The following TFEC variants were observed in gnomAD, a reference collection of about 807,000 sequenced individuals.
TFEC encodes the protein class E basic helix-loop-helix protein 34.
A neutral mutation model predicts 41.6 loss-of-function variants in TFEC; 31 were observed. The observed-to-expected ratio is 0.74, with a 90% CI of 0.56 to 1.01. The LOEUF (loss-of-function observed/expected upper bound fraction) is 1.01. Ranked by LOEUF, TFEC falls within the 50% of genes least tolerant of loss-of-function variation. The pLI is 0.00. For synonymous variants in TFEC, 143 were observed against 140.6 expected (o/e 1.02, Z -0.12); for missense variants, 402 against 404.1 (o/e 0.99, Z 0.04).
intron 3 of TFEC, among the ~76,000 whole-genome samples, chr7:116,083,498 A>G (rs891453713): frequency 6.6e-6 from 1 of 151,928 alleles, no homozygotes; most frequent in African/African-American, 2.4e-5. Flanking sequence ...AGGGAATCAA[A>G]AGTTTCACAA....
intron 3 of TFEC, among the ~76,000 whole-genome samples, chr7:116,091,834 A>G (rs1797335780): frequency 6.6e-6 from 1 of 151,658 alleles, no homozygotes. Flanking sequence ...TGCAAATGCC[A>G]TGCCAAAAAC....
At chr7:115,967,614 G>C (rs1371600740) in intron 3 of TFEC, among the ~76,000 whole-genome samples, 3 of 151,744 alleles carry the variant, frequency 2.0e-5, no homozygotes, top group African/African-American at 7.2e-5. Context: ...GCACTGAATA[G>C]AGAAATCCCA....
intron 4 of TFEC, among the ~76,000 whole-genome samples, chr7:115,956,403 G>A (rs1233335046): frequency 6.7e-6 from 1 of 149,758 alleles, no homozygotes; most frequent in Admixed American, 6.6e-5. Flanking sequence ...TTTTATATAT[G>A]TATGTATATA....
chr7:115,986,864 A>G (rs1276824629), intron 1 of TFEC, among the ~76,000 whole-genome samples: 1 of 152,064 alleles, frequency 6.6e-6, no homozygotes, highest in African/African-American at 2.4e-5. Flanking sequence ...CATATGTAAC[A>G]AACCTGCACG....
chr7:116,031,488 G>A (rs75869203), upstream of TFEC, among the ~76,000 whole-genome samples: 3 of 152,080 alleles, frequency 2.0e-5, no homozygotes, highest in Non-Finnish European at 4.4e-5. Context: ...AACTTAAAAT[G>A]GAAAGGTACA....
chr7:116,139,277 T>C (rs918898360), intron 1 of TFEC, among the ~76,000 whole-genome samples: 2 of 152,142 alleles, frequency 1.3e-5, no homozygotes, highest in Admixed American at 6.5e-5. Context: ...AATTATCTCT[T>C]ACTCAGAGCT....
At chr7:116,116,040 C>T (rs1485491276) in intron 1 of TFEC, among the ~76,000 whole-genome samples, 1 of 151,768 alleles carries the variant, frequency 6.6e-6, no homozygotes, top group Non-Finnish European at 1.5e-5. Flanking sequence ...AACTAGGTGA[C>T]CTTGACACAG....
chr7:116,069,451 A>G (rs1231258416), intron 3 of TFEC, among the ~76,000 whole-genome samples: 1 of 151,632 alleles, frequency 6.6e-6, no homozygotes, highest in Non-Finnish European at 1.5e-5. Flanking sequence ...TGATGATAAA[A>G]ATGTTGAAGA....
intron 2 of TFEC, among the ~76,000 whole-genome samples, chr7:115,978,892 T>C (rs1793501972): frequency 1.3e-5 from 2 of 152,138 alleles, no homozygotes; most frequent in African/African-American, 2.4e-5. Context: ...CAAAAGAGTA[T>C]CTTTAGCTAT....
intron 3 of TFEC, among the ~76,000 whole-genome samples, chr7:116,082,840 A>G (rs1046727726): frequency 6.6e-6 from 1 of 151,896 alleles, no homozygotes; most frequent in African/African-American, 2.4e-5. Context: ...CTGTTTATCA[A>G]TCCTGTTCAA....
At chr7:116,041,088 T>C (rs1259321521) in intron 3 of TFEC, among the ~76,000 whole-genome samples, 1 of 152,146 alleles carries the variant, frequency 6.6e-6, no homozygotes, top group African/African-American at 2.4e-5. Flanking sequence ...GGTTAAAAGT[T>C]TGCTAACTGA....
chr7:115,957,013 G>A (rs1022062245), intron 3 of TFEC, among the ~76,000 whole-genome samples: 2 of 151,922 alleles, frequency 1.3e-5, no homozygotes, highest in African/African-American at 4.8e-5. Context: ...AAAGTTATAT[G>A]TGTTTAAGCA....
chr7:115,943,717 A>G (rs1793628087), intron 6 of TFEC, among the ~76,000 whole-genome samples: 1 of 151,704 alleles, frequency 6.6e-6, no homozygotes, highest in African/African-American at 2.4e-5. Context: ...AAACACAGAC[A>G]CACCAATAAA....
chr7:116,041,904 C>CA (rs142099619), intron 3 of TFEC, among the ~76,000 whole-genome samples: 48 of 152,230 alleles, frequency 3.2e-4, no homozygotes, highest in African/African-American at 1.1e-3. Context: ...GTTCCCAAAA[C>CA]AAAGGGCGAG....
intron 1 of TFEC, 127 bp downstream of exon 1, chr7:116,030,506 T>A (rs1795753035): frequency 5.7e-6 from 3 of 530,198 alleles, no homozygotes; most frequent in Non-Finnish European, 7.2e-6. Context: ...TGATACCTAG[T>A]TATCATAAAA....
intron 1 of TFEC, among the ~76,000 whole-genome samples, chr7:116,142,535 G>A (rs1390531246): frequency 6.6e-6 from 1 of 152,144 alleles, no homozygotes; most frequent in Non-Finnish European, 1.5e-5. Flanking sequence ...CCTCCACCCA[G>A]ATATTTGGAA....
At chr7:116,116,620 A>T (rs1797994375) in intron 1 of TFEC, among the ~76,000 whole-genome samples, 1 of 151,944 alleles carries the variant, frequency 6.6e-6, no homozygotes, top group African/African-American at 2.4e-5. Context: ...GCAAACATTT[A>T]CTGACCATCT....
intron 1 of TFEC, among the ~76,000 whole-genome samples, chr7:115,995,112 C>T (rs1794302142): frequency 6.6e-6 from 1 of 150,644 alleles, no homozygotes; most frequent in Non-Finnish European, 1.5e-5. Context: ...AAACCAAACA[C>T]CACATGTTCT....
At chr7:115,953,832 T>G (rs1008217117) in intron 5 of TFEC, among the ~76,000 whole-genome samples, 2 of 152,136 alleles carry the variant, frequency 1.3e-5, no homozygotes, top group Non-Finnish European at 2.9e-5. Context: ...ATACTCAATT[T>G]CAGCTAGCGA....
Sources: allele counts gnomAD v4.1 joint callset (sites outside exome capture counted in the v4.1 genomes callset), GRCh38; gene constraint gnomAD v4.1.1; transcripts MANE v1.5; gene names NCBI Gene and HGNC (gene_info 2026-07-23, HGNC 2026-07-21).